NALCN: variants seen among roughly 807,000 people sequenced by gnomAD.
The protein encoded by NALCN is sodium leak channel, non-selective, also known as sodium leak channel NALCN.
In NALCN, 111 loss-of-function variants were observed where a neutral mutation model predicts 225.3. That is an observed-to-expected ratio of 0.49 (90% CI 0.42 to 0.58). NALCN has a LOEUF of 0.58. NALCN is among the 20% of genes least tolerant of loss of function. NALCN has a pLI of 0.00. For synonymous variants in NALCN, 764 were observed against 769.0 expected (o/e 0.99, Z 0.11); for missense variants, 1,378 against 2,202.4 (o/e 0.63, Z 7.49).
chr13:101,310,124 C>T (rs899684028), intron 7 of NALCN, among the ~76,000 whole-genome samples: 3 of 152,178 alleles, frequency 2.0e-5, no homozygotes, highest in African/African-American at 7.2e-5. Flanking sequence ...CGCCTGGACT[C>T]TTAGGACAGT....
intron 15 of NALCN, among the ~76,000 whole-genome samples, chr13:101,147,467 T>C (rs2037408972): frequency 6.6e-6 from 1 of 151,694 alleles, no homozygotes; most frequent in Non-Finnish European, 1.5e-5. Context: ...CTCAGTTTCC[T>C]GAGTCGCTGG....
chr13:101,325,574 G>A (rs2044920730), intron 7 of NALCN, among the ~76,000 whole-genome samples: 1 of 152,146 alleles, frequency 6.6e-6, no homozygotes, highest in Non-Finnish European at 1.5e-5. Flanking sequence ...CCTCCTCAAA[G>A]GTCAGCAAAA....
At chr13:101,346,083 C>CTATATATATA (rs1241006587) in intron 6 of NALCN, among the ~76,000 whole-genome samples, 2 of 84,312 alleles carry the variant, frequency 2.4e-5, no homozygotes, top group African/African-American at 9.6e-5. Flanking sequence ...CTCTCTCTCT[C>CTATATATATA]TCTCTATATA....
At chr13:101,350,916 A>G (rs1292373879) in intron 6 of NALCN, among the ~76,000 whole-genome samples, 1 of 152,208 alleles carries the variant, frequency 6.6e-6, no homozygotes, top group Non-Finnish European at 1.5e-5. Flanking sequence ...TTTGGTCTTA[A>G]CAGCCTACAA....
chr13:101,387,534 T>TA (rs2047032009), intron 3 of NALCN, among the ~76,000 whole-genome samples: 1 of 152,138 alleles, frequency 6.6e-6, no homozygotes. Context: ...AATACAAGCT[T>TA]AAATGTTAGT....
chr13:101,388,541 T>G (rs1359639142), intron 3 of NALCN, among the ~76,000 whole-genome samples: 1 of 152,218 alleles, frequency 6.6e-6, no homozygotes, highest in Non-Finnish European at 1.5e-5. Flanking sequence ...CTAAGTCATT[T>G]CTTTCTCTTT....
At position 101,086,945 on chromosome 13, in the gene NALCN, T is replaced by C. The variant is rs373585233; in HGVS notation, c.3489+2718A>G. On this transcript the variant is annotated intron_variant, in intron 30 of 43. Transcript: ENST00000251127. ...GCAAACACTTGTTCTCTGGCCACCATAGACACTAATGTAATTACTTTGTTA... is the reference window on the plus strand; with the variant it reads ...GCAAACACTTGTTCTCTGGCCACCACAGACACTAATGTAATTACTTTGTTA... Among the ~76,000 whole-genome samples, 6 of 152,156 alleles carry C rather than the reference T, an allele frequency of 3.9e-5. No homozygotes were observed. The East Asian group carries it at 9.6e-4, about 24-fold the overall frequency.
chr13:101,120,766 G>A (rs776038840), intron 18 of NALCN, among the ~76,000 whole-genome samples: 2 of 152,180 alleles, frequency 1.3e-5, no homozygotes, highest in Non-Finnish European at 2.9e-5. Context: ...CCGGGGGAAA[G>A]AACATGGAAA....
chr13:101,145,029 C>T, intron 15 of NALCN, 133 bp from the exon 16 acceptor site: 4 of 907,002 alleles, frequency 4.4e-6, no homozygotes, highest in Non-Finnish European at 6.1e-6. Flanking sequence ...AAAGGCCTAC[C>T]AAGTATACCT....
rs753761557 is a variant in NALCN at position 101,058,097 on chromosome 13, C to A, written c.4906-41G>T. ...AGCACACAGTTACCGTCTTTTTAAC[C>A]CTGCGCTCTCCTCCTTTTACTATAA... On this transcript the variant is annotated intron_variant, in intron 42 of 43. Coordinates refer to ENST00000251127, the MANE Select transcript of NALCN (RefSeq NM_052867.4). 16 of 1,521,852 alleles carry A rather than the reference C, an allele frequency of 1.1e-5. No individual in the cohort carries two copies. The South Asian group carries it at 1.9e-4, about 18-fold the overall frequency. 94.3% of individuals were successfully genotyped at this position (1,521,852 alleles called of 1,614,324 possible).
At chr13:101,259,072 C>A (rs992198846) in intron 10 of NALCN, among the ~76,000 whole-genome samples, 1 of 152,032 alleles carries the variant, frequency 6.6e-6, no homozygotes, top group Non-Finnish European at 1.5e-5. Flanking sequence ...GAAAATTTTA[C>A]TACAACTTCT....
At chr13:101,170,578 G>A (rs2038665083) in intron 15 of NALCN, among the ~76,000 whole-genome samples, 1 of 152,114 alleles carries the variant, frequency 6.6e-6, no homozygotes, top group Non-Finnish European at 1.5e-5. Context: ...TTCACCTAGA[G>A]CTCATACTTT....
intron 7 of NALCN, among the ~76,000 whole-genome samples, chr13:101,324,713 A>G (rs2044879716): frequency 6.6e-6 from 1 of 152,168 alleles, no homozygotes; most frequent in African/African-American, 2.4e-5. Context: ...CAATCATGTC[A>G]TCTGCAAACA....
intron 6 of NALCN, among the ~76,000 whole-genome samples, chr13:101,357,038 A>G (rs1269734584): frequency 2.6e-5 from 4 of 152,190 alleles, no homozygotes; most frequent in African/African-American, 9.7e-5. Context: ...AACATATCTC[A>G]AAATAATAAG....
At position 101,073,487 on chromosome 13, in the gene NALCN, G is replaced by C. The variant is rs930693942; in HGVS notation, c.4197+97C>G. The C allele has an allele frequency of 8.3e-6, 8 of 967,094 alleles. No homozygotes were observed. The East Asian group carries it at 2.0e-4, about 24-fold the overall frequency. 59.9% of individuals were successfully genotyped at this position (967,094 alleles called of 1,614,324 possible). A position where few individuals can be genotyped will look rare whatever the true frequency, so the allele number is the denominator to read the frequency against. ...TCAGGATTTATATTTCATACATAAA[G>C]TCTTAACGCTAACAAGGATGATCCT... is the stretch of plus-strand genomic sequence containing the variant. On this transcript the variant is annotated intron_variant, in intron 37 of 43. Coordinates refer to ENST00000251127, the MANE Select transcript of NALCN (RefSeq NM_052867.4).
At chr13:101,116,612 C>T in intron 18 of NALCN, 1 of 485,242 alleles carries the variant, frequency 2.1e-6, no homozygotes, top group Middle Eastern at 3.4e-4. Context: ...AAGGGAGAGG[C>T]CTATGAGTCT....
intron 18 of NALCN, among the ~76,000 whole-genome samples, chr13:101,119,989 C>T (rs1033221840): frequency 2.6e-5 from 4 of 151,940 alleles, no homozygotes; most frequent in African/African-American, 7.3e-5. Context: ...TTTCTCAAAA[C>T]ATCAATTAAT....
At chr13:101,145,837 A>G (rs1366636705) in intron 15 of NALCN, among the ~76,000 whole-genome samples, 3 of 152,116 alleles carry the variant, frequency 2.0e-5, no homozygotes, top group Non-Finnish European at 4.4e-5. Context: ...CAAAGAGTAC[A>G]TGTAATTCAG....
At chr13:101,223,567 A>G (rs765431933) in intron 13 of NALCN, among the ~76,000 whole-genome samples, 3 of 152,064 alleles carry the variant, frequency 2.0e-5, no homozygotes, top group Non-Finnish European at 4.4e-5. Flanking sequence ...AAACACTTTC[A>G]CAAGCCCTAC....
Sources: gnomAD v4.1 joint callset for allele counts (sites outside exome capture counted in the v4.1 genomes callset) on GRCh38, gnomAD v4.1.1 for gene constraint, MANE v1.5 for transcripts, NCBI Gene and HGNC (gene_info 2026-07-23, HGNC 2026-07-21) for gene names.